ATRNL1: variants seen among roughly 807,000 people sequenced by gnomAD.
ATRNL1 encodes the protein attractin like 1.
A neutral mutation model predicts 182.7 loss-of-function variants in ATRNL1; 95 were observed. The ratio of observed to expected loss-of-function variants is 0.52; its 90% CI spans 0.44 to 0.62. The LOEUF (loss-of-function observed/expected upper bound fraction) is 0.62, where lower values mean the gene tolerates loss of function less well. Among genes scored for constraint, ATRNL1 ranks in the 20% least tolerant of loss-of-function variants. ATRNL1 has a pLI of 0.00. For synonymous variants in ATRNL1, 576 were observed against 568.3 expected (o/e 1.01, Z -0.19); for missense variants, 1,471 against 1,679.5 (o/e 0.88, Z 2.17).
At chr10:115,135,319 A>G (rs1845453891) in intron 5 of ATRNL1, among the ~76,000 whole-genome samples, 1 of 152,234 alleles carries the variant, frequency 6.6e-6, no homozygotes, top group Non-Finnish European at 1.5e-5. Context: ...CCTTAAGCTG[A>G]TAAGCAACTT....
chr10:115,535,886 T>A (rs1371813322), intron 25 of ATRNL1, among the ~76,000 whole-genome samples: 2 of 151,906 alleles, frequency 1.3e-5, no homozygotes, highest in East Asian at 3.9e-4. Flanking sequence ...CAGACCCTGT[T>A]TGCCTGGGTA....
intron 26 of ATRNL1, among the ~76,000 whole-genome samples, chr10:115,666,864 T>C (rs782705396): frequency 2.0e-5 from 3 of 152,108 alleles, no homozygotes; most frequent in Admixed American, 2.0e-4. Flanking sequence ...TTTAATTATT[T>C]GCAATACTTA....
intron 5 of ATRNL1, among the ~76,000 whole-genome samples, chr10:115,134,581 T>C (rs1480569533): frequency 1.3e-5 from 2 of 152,120 alleles, no homozygotes; most frequent in African/African-American, 4.8e-5. Flanking sequence ...ACCAGACGGA[T>C]TCACAGGTGA....
rs201885829 is a variant in ATRNL1 at position 115,920,256 on chromosome 10, C to T, written c.4019-24402C>T. 7.9e-5 allele frequency among the ~76,000 whole-genome samples: 12 copies of T among 152,256 alleles called. 1 individual carries two copies. The East Asian group carries it at 2.3e-3, about 29-fold the overall frequency. On this transcript the variant is annotated intron_variant, in intron 28 of 28. Transcript: ENST00000355044. ...TCTTTATTTTCACCTTCACGGATAT[C>T]CAGCAGGTCACTCTAAACTCTGCCT...
intron 26 of ATRNL1, among the ~76,000 whole-genome samples, chr10:115,724,042 TCTG>T (rs779033171): frequency 7.3e-5 from 10 of 136,212 alleles, no homozygotes; most frequent in Non-Finnish European, 1.6e-4. Context: ...GCTTTATTGT[TCTG>T]CTGAATAATT....
intron 28 of ATRNL1, among the ~76,000 whole-genome samples, chr10:115,898,670 A>C (rs371596630): frequency 6.6e-6 from 1 of 152,198 alleles, no homozygotes; most frequent in African/African-American, 2.4e-5. Context: ...CACACTCTGC[A>C]TCTGTCCTAA....
At position 115,171,038 on chromosome 10, in the gene ATRNL1, A is replaced by T; in HGVS notation, c.1094A>T (p.Glu365Val). 1 of 1,526,478 alleles carries T rather than the reference A, an allele frequency of 6.6e-7. No homozygotes were observed. 94.6% of individuals were successfully genotyped at this position (1,526,478 alleles called of 1,614,324 possible). Residue 365 changes from glutamate (E) to valine (V), a missense_variant and splice_region_variant, in exon 8 of 29, where the codon GAA becomes GTA. Coordinates refer to ENST00000355044, the MANE Select transcript of ATRNL1 (RefSeq NM_207303.4). The stretch of plus-strand genomic sequence containing the variant: ...TAATATATGTATTTTAATTTACAGG[A>T]AAACATCTTTATGTATGGAGGCAGA... ...RYGHSLALYQ[E>V]NIFMYGGRIE...
rs11197266 is a variant in ATRNL1, at chr10:115,528,722, C to T, written c.3716+9398C>T. On this transcript the variant is annotated intron_variant, in intron 25 of 28. Transcript: ENST00000355044. ...TAGTTCAAGTTGTAAAGTTAAGTTGCGTATTTGAGATCTTTCTTCTTTTTT... is the reference window on the plus strand; with the variant it reads ...TAGTTCAAGTTGTAAAGTTAAGTTGTGTATTTGAGATCTTTCTTCTTTTTT... Among the ~76,000 whole-genome samples, 180 of 151,988 alleles carry T rather than the reference C, an allele frequency of 1.2e-3. 2 individuals are homozygous for T. In the East Asian group the frequency reaches 0.034, roughly 28 times the overall value.
chr10:115,764,662 TTTTG>T (rs1350551089), intron 27 of ATRNL1, among the ~76,000 whole-genome samples: 12 of 152,110 alleles, frequency 7.9e-5, no homozygotes, highest in Non-Finnish European at 7.4e-5. Context: ...TCCGTGTCTT[TTTTG>T]TTTGTTTGTT....
chr10:115,248,248 A>G lies in ATRNL1; in HGVS notation c.1687+6523A>G, dbSNP rs546528250. ...CCAGTTACCCTGATCTGATCACTATACATTATATGTATTGAAGCATCACTA... is the reference window on the plus strand; with the variant it reads ...CCAGTTACCCTGATCTGATCACTATGCATTATATGTATTGAAGCATCACTA... On this transcript the variant is annotated intron_variant, in intron 10 of 28. Transcript: ENST00000355044. Among the ~76,000 whole-genome samples, 13 of 152,332 alleles carry G rather than the reference A, an allele frequency of 8.5e-5. No individual in the cohort carries two copies. The South Asian group carries it at 1.0e-3, about 12-fold the overall frequency.
At chr10:115,280,132 C>T (rs1488860746) in intron 13 of ATRNL1, among the ~76,000 whole-genome samples, 2 of 152,136 alleles carry the variant, frequency 1.3e-5, no homozygotes, top group East Asian at 3.9e-4. Flanking sequence ...CTGCAAATCC[C>T]TCATAGGTTT....
intron 26 of ATRNL1, among the ~76,000 whole-genome samples, chr10:115,610,089 A>G (rs1857078098): frequency 6.6e-6 from 1 of 152,234 alleles, no homozygotes; most frequent in South Asian, 2.1e-4. Context: ...TCAACTTTCT[A>G]AAACTTTCAG....
intron 19 of ATRNL1, among the ~76,000 whole-genome samples, chr10:115,360,574 C>T (rs1856695519): frequency 6.7e-6 from 1 of 148,498 alleles, no homozygotes; most frequent in Non-Finnish European, 1.5e-5. Flanking sequence ...CAGATTGTGC[C>T]AATTGTCTCA....
intron 26 of ATRNL1, among the ~76,000 whole-genome samples, chr10:115,583,592 A>G (rs1453573088): frequency 7.7e-6 from 1 of 129,950 alleles, no homozygotes; most frequent in African/African-American, 2.5e-5. Flanking sequence ...ATTTTTGTAC[A>G]TTGATTTTGT....
chr10:115,317,519 CATGAGATAGA>C (rs1854361995), intron 18 of ATRNL1, among the ~76,000 whole-genome samples: 1 of 152,148 alleles, frequency 6.6e-6, no homozygotes, highest in Admixed American at 6.6e-5. Context: ...TCTTCCTCTC[CATGAGATAGA>C]ATGTTTTTCC....
intron 26 of ATRNL1, among the ~76,000 whole-genome samples, chr10:115,651,897 C>G (rs1860032180): frequency 6.6e-6 from 1 of 151,862 alleles, no homozygotes; most frequent in African/African-American, 2.4e-5. Flanking sequence ...TGTAATTGGC[C>G]AACTAAAAGA....
chr10:115,576,203 A>C (rs528773616), intron 26 of ATRNL1, among the ~76,000 whole-genome samples: 1 of 152,198 alleles, frequency 6.6e-6, no homozygotes, highest in East Asian at 1.9e-4. Flanking sequence ...AACATGGATC[A>C]CAGCTAGCTC....
At chr10:115,588,462 C>A (rs1248237971) in intron 26 of ATRNL1, among the ~76,000 whole-genome samples, 2 of 152,194 alleles carry the variant, frequency 1.3e-5, no homozygotes, top group Non-Finnish European at 2.9e-5. Context: ...AGTAAGATGG[C>A]CTTCCACAGT....
At chr10:115,904,283 A>C (rs1205516036) in intron 28 of ATRNL1, among the ~76,000 whole-genome samples, 3 of 152,218 alleles carry the variant, frequency 2.0e-5, no homozygotes, top group African/African-American at 7.2e-5. Context: ...TGCTGGATCC[A>C]GAGGGGTGGC....
Sources: allele counts gnomAD v4.1 joint callset (sites outside exome capture counted in the v4.1 genomes callset), GRCh38; gene constraint gnomAD v4.1.1; transcripts MANE v1.5; gene names NCBI Gene and HGNC (gene_info 2026-07-23, HGNC 2026-07-21).